The following ARID4B variants were observed in gnomAD, a reference collection of about 807,000 sequenced individuals.
ARID4B encodes AT-rich interactive domain-containing protein 4B.
In ARID4B, 26 loss-of-function variants were observed where a neutral mutation model predicts 147.5. The observed-to-expected ratio is 0.18, with a 90% CI of 0.13 to 0.24. The LOEUF (loss-of-function observed/expected upper bound fraction) is 0.24. Among genes scored for constraint, ARID4B ranks in the 10% least tolerant of loss-of-function variants. The pLI, the probability that ARID4B is intolerant of heterozygous loss-of-function variation, is 1.00. For synonymous variants in ARID4B, 512 were observed against 507.9 expected, an observed-to-expected ratio of 1.01 and a Z score of -0.11; for missense variants, 1,179 against 1,511.5, an observed-to-expected ratio of 0.78 and a Z score of 3.65.
chr1:235,305,378 C>A (rs1673472579), intron 2 of ARID4B, among the ~76,000 whole-genome samples: 1 of 152,190 alleles, frequency 6.6e-6, no homozygotes, highest in Non-Finnish European at 1.5e-5. Context: ...CACATAAAAA[C>A]ACACATACAC....
chr1:235,200,082 G>A (rs558728418), intron 17 of ARID4B, among the ~76,000 whole-genome samples: 3 of 151,844 alleles, frequency 2.0e-5, no homozygotes, highest in Non-Finnish European at 4.4e-5. Flanking sequence ...ACTATGGGAG[G>A]CCCAGACAGG....
At chr1:235,307,020 A>G (rs560801387) in intron 2 of ARID4B, among the ~76,000 whole-genome samples, 1 of 152,310 alleles carries the variant, frequency 6.6e-6, no homozygotes. Context: ...TACCTCCATC[A>G]ATGCAGAAAA....
chr1:235,178,559 T>A (rs1287953557), intron 20 of ARID4B, among the ~76,000 whole-genome samples: 4 of 152,214 alleles, frequency 2.6e-5, no homozygotes, highest in Non-Finnish European at 5.9e-5. Context: ...CTTCAAGGAC[T>A]AGCCCAAGTC....
rs1664454698 is a variant in ARID4B at position 235,183,391 on chromosome 1, G to A, written c.2126-598C>T. On this transcript the variant is annotated intron_variant, in intron 19 of 23. Coordinates refer to ENST00000264183, the MANE Select transcript of ARID4B (RefSeq NM_016374.6). ...GCCCGGCTAATTTTTTGTATTTTTAGTAGACACGGGGTTTCACTGTGTTAG... is the reference window on the plus strand; with the variant it reads ...GCCCGGCTAATTTTTTGTATTTTTAATAGACACGGGGTTTCACTGTGTTAG... 2.0e-5 allele frequency among the ~76,000 whole-genome samples: 3 copies of A among 152,036 alleles called. No individual in the cohort carries two copies. The South Asian group carries it at 6.2e-4, about 32-fold the overall frequency.
At chr1:235,246,271 A>G (rs1669294695) in intron 7 of ARID4B, 149 bp downstream of exon 7, 2 of 638,422 alleles carry the variant, frequency 3.1e-6, no homozygotes, top group Admixed American at 2.5e-5. Context: ...TCAATCACCC[A>G]TGCTGAGGAG....
intron 3 of ARID4B, among the ~76,000 whole-genome samples, chr1:235,258,858 A>G (rs1572096211): frequency 6.6e-6 from 1 of 152,266 alleles, no homozygotes; most frequent in East Asian, 1.9e-4. Flanking sequence ...TCTTAACACT[A>G]GAGTTTCACC....
chr1:235,285,642 T>C (rs115367928), intron 2 of ARID4B, among the ~76,000 whole-genome samples: 1 of 152,308 alleles, frequency 6.6e-6, no homozygotes, highest in African/African-American at 2.4e-5. Context: ...GAATTGGACA[T>C]GAAGAATAGT....
chr1:235,255,259 A>ATAGG (rs1669891576), intron 5 of ARID4B, among the ~76,000 whole-genome samples: 1 of 91,554 alleles, frequency 1.1e-5, no homozygotes, highest in African/African-American at 3.3e-5. Context: ...AGATAGATAG[A>ATAGG]TAGATATATA....
At position 235,326,974 on chromosome 1, in the gene ARID4B, G is replaced by T; in HGVS notation, c.-49-6C>A. On this transcript the variant is annotated splice_region_variant and splice_polypyrimidine_tract_variant and intron_variant, in intron 1 of 23. Transcript: ENST00000264183. The stretch of plus-strand genomic sequence containing the variant: ...AACACCAGGTTCAGCTGCACCTGGA[G>T]GGGAAACAAAAGACACCCAGTCAAC... 3 of 1,601,326 alleles carry T rather than the reference G, an allele frequency of 1.9e-6. No homozygotes were observed. Among genetic ancestry groups the T allele is most frequent in the South Asian group, 1.1e-5 (1 of 90,756 alleles).
intron 23 of ARID4B, among the ~76,000 whole-genome samples, chr1:235,169,279 C>T (rs557833036): frequency 2.6e-5 from 4 of 151,240 alleles, no homozygotes; most frequent in South Asian, 2.1e-4. Context: ...CTCTGTCTGT[C>T]GCCCAGGCTG....
chr1:235,260,164 A>C (rs1291387036), intron 3 of ARID4B, among the ~76,000 whole-genome samples: 1 of 152,222 alleles, frequency 6.6e-6, no homozygotes, highest in Non-Finnish European at 1.5e-5. Context: ...CAACAACTAG[A>C]TGTACCTTAT....
At chr1:235,169,922 T>A (rs1663220895) in intron 23 of ARID4B, among the ~76,000 whole-genome samples, 1 of 152,120 alleles carries the variant, frequency 6.6e-6, no homozygotes. Context: ...TTGGCTTCCC[T>A]AAGTGCTGGA....
At chr1:235,273,154 C>G (rs887045385) in intron 2 of ARID4B, among the ~76,000 whole-genome samples, 1 of 152,200 alleles carries the variant, frequency 6.6e-6, no homozygotes, top group Non-Finnish European at 1.5e-5. Flanking sequence ...TCTCCTGCCT[C>G]AGCCTTCCAA....
intron 2 of ARID4B, among the ~76,000 whole-genome samples, chr1:235,265,041 C>T (rs1230958872): frequency 1.4e-5 from 2 of 144,822 alleles, no homozygotes; most frequent in African/African-American, 5.2e-5. Context: ...GCCTGGGCAA[C>T]AAGAGTGAAA....
chr1:235,291,623 G>T (rs1448182433), intron 2 of ARID4B, among the ~76,000 whole-genome samples: 1 of 151,932 alleles, frequency 6.6e-6, no homozygotes, highest in Non-Finnish European at 1.5e-5. Flanking sequence ...ATCACTTGAG[G>T]CCAGGAATTT....
intron 2 of ARID4B, among the ~76,000 whole-genome samples, chr1:235,300,595 T>C (rs900083004): frequency 1.3e-5 from 2 of 152,178 alleles, no homozygotes; most frequent in African/African-American, 2.4e-5. Flanking sequence ...ACATAACACA[T>C]ACAAAGCAGT....
At chr1:235,315,745 TA>T (rs1294011361) in intron 2 of ARID4B, among the ~76,000 whole-genome samples, 1 of 152,250 alleles carries the variant, frequency 6.6e-6, no homozygotes, top group Non-Finnish European at 1.5e-5. Flanking sequence ...TACTTACGTC[TA>T]ACTGTATCCT....
intron 11 of ARID4B, among the ~76,000 whole-genome samples, chr1:235,226,518 G>A (rs570249771): frequency 2.1e-4 from 31 of 150,220 alleles, no homozygotes; most frequent in African/African-American, 6.4e-4. Flanking sequence ...CTGCCACCAC[G>A]CCCAGCTAAT....
Position 235,213,877 on chromosome 1 carries a change from C to A in ARID4B, c.1733G>T (p.Arg578Leu), listed in dbSNP as rs772374509. ...CYPPGMKVQV[R>L]YGRGKNQKMY... is the part of the protein sequence containing the mutation. ...TTTTTGATTTTTCCCTCGTCCATAC[C>A]GCACTTGGACTTTCATGCCTGGTGG... Residue 578 changes from arginine to leucine, a missense_variant, in exon 17 of 24, where the codon CGG becomes CTG. Physicochemically the swap from Arg to Leu is moderately radical, Grantham distance 102 (BLOSUM62 -2). Coordinates refer to ENST00000264183, the MANE Select transcript of ARID4B (RefSeq NM_016374.6). The A allele has an allele frequency of 1.2e-6, 2 of 1,614,016 alleles. No homozygotes were observed. The highest frequency in any genetic ancestry group is 1.7e-6 in the Non-Finnish European group (2 of 1,179,982).
Sources: allele counts gnomAD v4.1 joint callset (sites outside exome capture counted in the v4.1 genomes callset), GRCh38; gene constraint gnomAD v4.1.1; transcripts MANE v1.5; gene names NCBI Gene and HGNC (gene_info 2026-07-23, HGNC 2026-07-21).